Variants in SYT2 observed in about 807,000 individuals in gnomAD.
The protein encoded by SYT2 is synaptotagmin-2.
Under a neutral mutation model 39.9 loss-of-function variants are expected in SYT2, and 15 were observed. The ratio of observed to expected loss-of-function variants is 0.38; its 90% confidence interval spans 0.25 to 0.58. SYT2 has a LOEUF of 0.58. Ranked by LOEUF, SYT2 falls within the 20% of genes least tolerant of loss-of-function variation. The pLI is 0.70. For synonymous variants in SYT2, 181 were observed against 204.5 expected (o/e 0.89, Z 0.98); for missense variants, 389 against 530.3 (o/e 0.73, Z 2.62).
intron 1 of SYT2, among the ~76,000 whole-genome samples, chr1:202,694,951 T>C (rs1038941599): frequency 1.3e-5 from 2 of 152,166 alleles, no homozygotes; most frequent in Non-Finnish European, 2.9e-5. Context: ...TTTCTCAATA[T>C]CTATCCTATC....
intron 1 of SYT2, among the ~76,000 whole-genome samples, chr1:202,665,939 G>A (rs1445048244): frequency 6.6e-6 from 1 of 152,096 alleles, no homozygotes; most frequent in African/African-American, 2.4e-5. Context: ...GGATCACAAG[G>A]TCAGGAGATC....
rs1170886966 is a variant in SYT2, at chr1:202,595,766, C to T, written c.*991G>A. 3 of 152,216 alleles carry T rather than the reference C, an allele frequency of 2.0e-5. No homozygotes were observed. The highest frequency in any genetic ancestry group is 4.4e-5 in the Non-Finnish European group (3 of 68,038). 9.4% of individuals were successfully genotyped at this position (152,216 alleles called of 1,614,324 possible). A position where few individuals can be genotyped will look rare whatever the true frequency, so the allele number is the denominator to read the frequency against. On this transcript the variant is annotated 3_prime_UTR_variant, in exon 9 of 9. Coordinates refer to ENST00000367268, the MANE Select transcript of SYT2 (RefSeq NM_177402.5). ...AAAGGGAGAAAGCATCTGTGTTTCCCACTGGATGGGGTGAAGATCCAGGAG... is the reference window on the plus strand; with the variant it reads ...AAAGGGAGAAAGCATCTGTGTTTCCTACTGGATGGGGTGAAGATCCAGGAG...
intron 1 of SYT2, among the ~76,000 whole-genome samples, chr1:202,675,945 G>A (rs552121009): frequency 6.6e-6 from 1 of 152,184 alleles, no homozygotes; most frequent in Non-Finnish European, 1.5e-5. Flanking sequence ...CTCACAGCCA[G>A]TTTAGGCAGG....
At chr1:202,704,504 T>G (rs952148956) in intron 1 of SYT2, among the ~76,000 whole-genome samples, 1 of 152,176 alleles carries the variant, frequency 6.6e-6, no homozygotes, top group Non-Finnish European at 1.5e-5. Flanking sequence ...TGGCTACACC[T>G]GCACGCAAGG....
chr1:202,597,899 C>G (rs559095790), intron 8 of SYT2, among the ~76,000 whole-genome samples: 68 of 152,298 alleles, frequency 4.5e-4, no homozygotes, highest in African/African-American at 1.4e-3. Context: ...GCTGGATTTG[C>G]TGAATGCTCG....
intron 1 of SYT2, among the ~76,000 whole-genome samples, chr1:202,631,424 T>C (rs10920427): frequency 0.47 from 71,616 of 152,090 alleles, 18,345 homozygotes; most frequent in African/African-American, 0.68. Flanking sequence ...AGGTTCACTT[T>C]GCACTTGAGA....
chr1:202,596,861 G>T lies in SYT2; in HGVS notation c.1156C>A (p.Arg386=), dbSNP rs763584442. Residue 386 remains arginine, a synonymous_variant, in exon 9 of 9, where the codon CGG becomes AGG. Transcript: ENST00000367268. ...VGSNATGTEL[R]HWSDMLANPR... ...TTGGCCAGCATGTCGGACCAGTGCC[G>T]CAGCTCTGTGCCCGTGGCATTGCTG... is the stretch of plus-strand genomic sequence containing the variant. The T allele has an allele frequency of 3.1e-6, 5 of 1,614,082 alleles. No homozygotes were observed. The highest frequency in any genetic ancestry group is 4.2e-6 in the Non-Finnish European group (5 of 1,180,054).
chr1:202,663,174 C>T lies in SYT2; in HGVS notation c.-18+47084G>A, dbSNP rs114721621. ...TTCATGGCTAACAAGAAAGAGAACT[C>T]AAGCCAGCCACCCTTTGCCCCAGGG... On this transcript the variant is annotated intron_variant, in intron 1 of 8. Transcript: ENST00000367268. Among the ~76,000 whole-genome samples, 484 of 152,316 alleles carry T rather than the reference C, an allele frequency of 3.2e-3. 2 individuals are homozygous for T. Among genetic ancestry groups the T allele is most frequent in the African/African-American group, 0.011 (470 of 41,572 alleles).
At chr1:202,616,256 C>T (rs980244070) in intron 1 of SYT2, among the ~76,000 whole-genome samples, 16 of 152,212 alleles carry the variant, frequency 1.1e-4, no homozygotes, top group Non-Finnish European at 2.4e-4. Context: ...TTCCTCCTGA[C>T]CCCTTGTGAG....
At chr1:202,706,271 G>T (rs772339763) in intron 1 of SYT2, among the ~76,000 whole-genome samples, 12 of 151,864 alleles carry the variant, frequency 7.9e-5, no homozygotes, top group Admixed American at 2.6e-4. Flanking sequence ...TGAAATGCAG[G>T]ACTGACCACC....
intron 1 of SYT2, among the ~76,000 whole-genome samples, chr1:202,638,761 C>T (rs1691818488): frequency 6.6e-6 from 1 of 152,244 alleles, no homozygotes; most frequent in Non-Finnish European, 1.5e-5. Flanking sequence ...CCTGTTCGCC[C>T]CTACCCCGCC....
intron 1 of SYT2, among the ~76,000 whole-genome samples, chr1:202,608,251 C>T (rs1199580295): frequency 6.6e-6 from 1 of 151,760 alleles, no homozygotes; most frequent in Non-Finnish European, 1.5e-5. Flanking sequence ...CTTTTTATTG[C>T]CACATAGTAT....
intron 1 of SYT2, among the ~76,000 whole-genome samples, chr1:202,666,784 C>A (rs750407793): frequency 1.3e-5 from 2 of 152,206 alleles, no homozygotes; most frequent in African/African-American, 4.8e-5. Context: ...GAGTTCAAGA[C>A]CAGCCTGGCC....
chr1:202,632,588 G>T (rs1209956924), intron 1 of SYT2: 1 of 985,218 alleles, frequency 1.0e-6, no homozygotes, highest in African/African-American at 1.7e-5. Flanking sequence ...CCAGAGGAGG[G>T]TGTTCCCAGG....
chr1:202,693,981 T>C (rs1653910915), intron 1 of SYT2, among the ~76,000 whole-genome samples: 1 of 151,566 alleles, frequency 6.6e-6, no homozygotes, highest in Non-Finnish European at 1.5e-5. Flanking sequence ...GGTCGGGGGG[T>C]GGTGCCACAC....
At chr1:202,600,094 T>C (rs1690445636) in intron 7 of SYT2, among the ~76,000 whole-genome samples, 1 of 152,196 alleles carries the variant, frequency 6.6e-6, no homozygotes, top group East Asian at 1.9e-4. Context: ...CACAAACTTA[T>C]CTGGGGATGA....
intron 1 of SYT2, among the ~76,000 whole-genome samples, chr1:202,636,212 C>T (rs1188301543): frequency 1.3e-5 from 2 of 152,140 alleles, no homozygotes; most frequent in Non-Finnish European, 2.9e-5. Context: ...AACCACCATC[C>T]TTTTTCCAGG....
intron 1 of SYT2, among the ~76,000 whole-genome samples, chr1:202,625,370 G>T (rs1244256075): frequency 6.8e-6 from 1 of 148,108 alleles, no homozygotes; most frequent in East Asian, 2.0e-4. Context: ...TGTGGTGTGT[G>T]GTGTGTGTGT....
At position 202,641,736 on chromosome 1, in the gene SYT2, C is replaced by T. The variant is rs146261414; in HGVS notation, c.-17-35947G>A. On this transcript the variant is annotated intron_variant, in intron 1 of 8. Transcript: ENST00000367268. The stretch of plus-strand genomic sequence containing the variant: ...TTCCTTATCTGAGATGAATGCAGCC[C>T]TGTCTGGAGGTAGAGAGCAGACCGC... 3.5e-3 allele frequency among the ~76,000 whole-genome samples: 535 copies of T among 152,310 alleles called. 2 individuals carry two copies. The highest frequency in any genetic ancestry group is 0.012 in the African/African-American group (510 of 41,554).
Sources: allele counts gnomAD v4.1 joint callset (sites outside exome capture counted in the v4.1 genomes callset), GRCh38; gene constraint gnomAD v4.1.1; transcripts MANE v1.5; gene names NCBI Gene and HGNC (gene_info 2026-07-23, HGNC 2026-07-21).